PDE4D: variants seen among roughly 807,000 people sequenced by gnomAD.
The protein encoded by PDE4D is phosphodiesterase 4D, also known as 3',5'-cyclic-AMP phosphodiesterase 4D.
Under a neutral mutation model 87.4 loss-of-function variants are expected in PDE4D, and 24 were observed. The observed-to-expected ratio is 0.27, with a 90% CI of 0.20 to 0.39. The LOEUF (loss-of-function observed/expected upper bound fraction) is 0.39. PDE4D is among the 10% of genes least tolerant of loss of function. The pLI is 1.00. For missense variants in PDE4D, 714 were observed against 1,041.0 expected, an observed-to-expected ratio of 0.69 and a Z score of 4.32; for synonymous variants, 384 against 383.2, an observed-to-expected ratio of 1.00 and a Z score of -0.02.
At chr5:60,042,339 C>T (rs920699381) in intron 2 of PDE4D, among the ~76,000 whole-genome samples, 6 of 152,196 alleles carry the variant, frequency 3.9e-5, no homozygotes, top group Admixed American at 6.5e-5. Context: ...TGGGACAGAG[C>T]ACCTGGGGGA....
At chr5:59,840,798 G>C (rs1742885630) in intron 1 of PDE4D, among the ~76,000 whole-genome samples, 1 of 152,044 alleles carries the variant, frequency 6.6e-6, no homozygotes, top group Non-Finnish European at 1.5e-5. Context: ...GTGCTTTCTG[G>C]AAATGTGAAA....
intron 3 of PDE4D, among the ~76,000 whole-genome samples, chr5:59,984,228 A>C (rs1582038472): frequency 7.6e-6 from 1 of 132,132 alleles, no homozygotes; most frequent in East Asian, 2.4e-4. Context: ...ACCTTAATAA[A>C]AAGATTTTAT....
At chr5:60,441,386 A>G (rs1583781174) in intron 1 of PDE4D, among the ~76,000 whole-genome samples, 3 of 152,100 alleles carry the variant, frequency 2.0e-5, no homozygotes, top group African/African-American at 4.8e-5. Flanking sequence ...GCTAGCCATA[A>G]GCAGAAAACT....
intron 1 of PDE4D, among the ~76,000 whole-genome samples, chr5:59,421,158 G>A (rs1794429484): frequency 6.6e-6 from 1 of 152,100 alleles, no homozygotes; most frequent in African/African-American, 2.4e-5. Flanking sequence ...AGAAATCTTA[G>A]GAGAATTTTG....
At chr5:59,113,326 T>C (rs576128448) in intron 5 of PDE4D, among the ~76,000 whole-genome samples, 1 of 152,374 alleles carries the variant, frequency 6.6e-6, no homozygotes, top group African/African-American at 2.4e-5. Context: ...TAATTCACAT[T>C]TCTGAACCAT....
intron 1 of PDE4D, among the ~76,000 whole-genome samples, chr5:59,717,930 C>T (rs1252701991): frequency 6.6e-6 from 1 of 152,220 alleles, no homozygotes; most frequent in African/African-American, 2.4e-5. Flanking sequence ...ATCAGCACGT[C>T]TCAACTTCAG....
rs768169114 is a variant in PDE4D, at chr5:60,188,617, TA to T, written c.-89-2931del. 4.6e-5 allele frequency among the ~76,000 whole-genome samples: 7 copies of T among 152,210 alleles called. No homozygotes were observed. In the South Asian group the frequency reaches 1.0e-3, roughly 23 times the overall value. On this transcript the variant is annotated intron_variant, in intron 1 of 16. Coordinates refer to the PDE4D transcript ENST00000502484. ...GAGAGTGGAGATGGAGGGGAAATGG[TA>T]GATGTGCTCTGCAGTCTATGAAGAG...
In PDE4D at chr5:58,974,630, T is replaced by TAAA; in HGVS notation, c.*31_*33dup. ...GCACTTTGGAAACAATTTTTCTACTTAAAAAAAAAAAAGGCATGAAAGTTT... is the reference window on the plus strand; with the variant it reads ...GCACTTTGGAAACAATTTTTCTACTTAAAAAAAAAAAAAAAGGCATGAAAGTTT... On this transcript the variant is annotated 3_prime_UTR_variant, in exon 15 of 15. Coordinates refer to ENST00000340635, the MANE Select transcript of PDE4D (RefSeq NM_001104631.2). 1 of 1,232,878 alleles carries TAAA rather than the reference T, an allele frequency of 8.1e-7. No individual in the cohort carries two copies. The allele number at this position is 1,232,878 out of a possible 1,614,324, so 76.4% of individuals were successfully genotyped here.
At chr5:59,743,518 A>AAC (rs60606569) in intron 1 of PDE4D, among the ~76,000 whole-genome samples, 3,927 of 151,888 alleles carry the variant, frequency 0.026, 165 homozygotes, top group African/African-American at 0.09. Flanking sequence ...AGCTACTGTA[A>AAC]ACACACACAC....
chr5:59,893,161 C>T lies in PDE4D; in HGVS notation c.455+7G>A, dbSNP rs962541328. On this transcript the variant is annotated splice_region_variant and intron_variant, in intron 1 of 14. Coordinates refer to ENST00000340635, the MANE Select transcript of PDE4D (RefSeq NM_001104631.2). Reference sequence around the variant, plus strand: ...CCTGAATGGGGGAGGGGGCGCTCTCCACTCACCGCCTGAGTCCCTGGAACG... The same window carrying T: ...CCTGAATGGGGGAGGGGGCGCTCTCTACTCACCGCCTGAGTCCCTGGAACG... The T allele has an allele frequency of 1.9e-6, 3 of 1,554,792 alleles. No individual in the cohort carries two copies. The highest frequency in any genetic ancestry group is 2.7e-5 in the African/African-American group (2 of 73,348).
At chr5:59,863,982 C>T (rs1278250213) in intron 1 of PDE4D, among the ~76,000 whole-genome samples, 1 of 152,118 alleles carries the variant, frequency 6.6e-6, no homozygotes, top group Non-Finnish European at 1.5e-5. Context: ...CAGTGCCCTG[C>T]GTGTAGTATT....
intron 1 of PDE4D, among the ~76,000 whole-genome samples, chr5:59,440,794 T>C (rs1051242164): frequency 5.9e-5 from 9 of 152,038 alleles, no homozygotes; most frequent in Admixed American, 3.9e-4. Flanking sequence ...AAAATTTTCA[T>C]GTAACAGATC....
At chr5:59,316,335 C>G (rs543102558) in intron 1 of PDE4D, among the ~76,000 whole-genome samples, 20 of 152,182 alleles carry the variant, frequency 1.3e-4, no homozygotes, top group African/African-American at 4.3e-4. Flanking sequence ...TTAAAAGAAA[C>G]TACCTGGGTT....
At position 58,974,819 on chromosome 5, in the gene PDE4D, C is replaced by G. The variant is rs1306674398; in HGVS notation, c.2275G>C (p.Asp759His). 1 of 1,613,648 alleles carries G rather than the reference C, an allele frequency of 6.2e-7. No homozygotes were observed. Among genetic ancestry groups the G allele is most frequent in the Non-Finnish European group, 8.5e-7 (1 of 1,179,662 alleles). Residue 759 changes from aspartate to histidine, a missense_variant, in exon 15 of 15, where the codon GAC becomes CAC. Coordinates refer to ENST00000340635, the MANE Select transcript of PDE4D (RefSeq NM_001104631.2). ...EKDSGSQVEE[D>H]TSCSDSKTLC... ...GTCTTGGAGTCACTGCAGCTAGTGT[C>G]TTCTTCCACTTGACTGCCACTGTCC...
chr5:59,090,290 G>A (rs1377557746), intron 5 of PDE4D, among the ~76,000 whole-genome samples: 4 of 152,036 alleles, frequency 2.6e-5, no homozygotes, highest in East Asian at 1.9e-4. Context: ...CATGTTTCAC[G>A]CATATAAAAT....
chr5:59,183,813 C>A (rs549071964), intron 4 of PDE4D, among the ~76,000 whole-genome samples: 2 of 152,168 alleles, frequency 1.3e-5, no homozygotes, highest in Non-Finnish European at 2.9e-5. Context: ...GCCCTTTCAG[C>A]GAACAGGCCT....
At chr5:59,696,385 T>A (rs1198630644) in intron 1 of PDE4D, among the ~76,000 whole-genome samples, 1 of 152,156 alleles carries the variant, frequency 6.6e-6, no homozygotes, top group East Asian at 1.9e-4. Flanking sequence ...TGACTACACA[T>A]CCTGGCCCAC....
chr5:60,094,571 C>T (rs1775464918), intron 2 of PDE4D, among the ~76,000 whole-genome samples: 1 of 148,298 alleles, frequency 6.7e-6, no homozygotes, highest in Admixed American at 6.8e-5. Flanking sequence ...AGGCCCTAAC[C>T]CAATGTGAGT....
intron 1 of PDE4D, among the ~76,000 whole-genome samples, chr5:59,307,585 A>T (rs1771655901): frequency 6.6e-6 from 1 of 152,138 alleles, no homozygotes; most frequent in South Asian, 2.1e-4. Flanking sequence ...GAAGACATTT[A>T]TGCAGCCAAA....
Sources: allele counts gnomAD v4.1 joint callset (sites outside exome capture counted in the v4.1 genomes callset), GRCh38; gene constraint gnomAD v4.1.1; transcripts MANE v1.5; gene names NCBI Gene and HGNC (gene_info 2026-07-23, HGNC 2026-07-21).